ST6GAL1: variants seen among roughly 807,000 people sequenced by gnomAD.
ST6GAL1 encodes the protein beta-galactoside alpha-2,6-sialyltransferase 1.
Under a neutral mutation model 38.0 loss-of-function variants are expected in ST6GAL1, and 20 were observed. That is an observed-to-expected ratio of 0.53 (90% confidence interval 0.37 to 0.77). ST6GAL1 has a LOEUF of 0.77. Among genes scored for constraint, ST6GAL1 ranks in the 30% least tolerant of loss-of-function variants. The probability of loss-of-function intolerance (pLI) is 0.00; values close to 1 mark genes in which losing one functional copy is unlikely to be tolerated. For synonymous variants in ST6GAL1, 196 were observed against 188.2 expected (o/e 1.04, Z -0.34); for missense variants, 432 against 496.4 (o/e 0.87, Z 1.23).
At chr3:187,051,184 T>A in intron 4 of ST6GAL1, 65 bp from the exon 5 acceptor site, 1 of 1,290,284 alleles carries the variant, frequency 7.8e-7, no homozygotes, top group Non-Finnish European at 1.1e-6. Context: ...CCGCCTCTCG[T>A]CTTTCTCTTT....
chr3:186,939,045 G>A (rs1179774135), intron 1 of ST6GAL1, among the ~76,000 whole-genome samples: 2 of 145,694 alleles, frequency 1.4e-5, no homozygotes, highest in African/African-American at 5.1e-5. Flanking sequence ...AGTGAGGAGA[G>A]AGACAGAAAG....
chr3:187,076,062 C>A lies in ST6GAL1; in HGVS notation c.*259C>A. 1 of 465,724 alleles carries A rather than the reference C, an allele frequency of 2.1e-6. No individual in the cohort carries two copies. The highest frequency in any genetic ancestry group is 3.0e-5 in the South Asian group (1 of 33,554). 28.8% of individuals were successfully genotyped at this position (465,724 alleles called of 1,614,324 possible). On this transcript the variant is annotated 3_prime_UTR_variant, in exon 8 of 8. Coordinates refer to ENST00000169298, the MANE Select transcript of ST6GAL1 (RefSeq NM_173216.2). ...TCTAGCATTCTTTCCAGACAGCATC[C>A]TCCCCGCCTTCCACCTTGGTAGATG... is the stretch of plus-strand genomic sequence containing the variant.
At chr3:187,033,762 C>T (rs1717834049) in intron 2 of ST6GAL1, among the ~76,000 whole-genome samples, 1 of 152,002 alleles carries the variant, frequency 6.6e-6, no homozygotes, top group Non-Finnish European at 1.5e-5. Flanking sequence ...TTATTTTTGG[C>T]AGTGTTATTA....
intron 2 of ST6GAL1, among the ~76,000 whole-genome samples, chr3:187,022,454 T>C (rs1717359270): frequency 6.6e-6 from 1 of 152,118 alleles, no homozygotes; most frequent in Admixed American, 6.5e-5. Context: ...AGTCAAGTTA[T>C]TGTCTAGTGA....
At chr3:186,941,807 T>TA (rs1714186919) in intron 1 of ST6GAL1, among the ~76,000 whole-genome samples, 1 of 151,910 alleles carries the variant, frequency 6.6e-6, no homozygotes, top group African/African-American at 2.4e-5. Flanking sequence ...GGTCAGGAGA[T>TA]AGAGACCATC....
intron 5 of ST6GAL1, among the ~76,000 whole-genome samples, chr3:187,054,583 T>C (rs973896458): frequency 1.3e-5 from 2 of 152,234 alleles, no homozygotes; most frequent in Non-Finnish European, 1.5e-5. Context: ...TTGTTCTGTT[T>C]ATGTGATGGA....
At chr3:186,973,086 A>C (rs542325581) in intron 2 of ST6GAL1, among the ~76,000 whole-genome samples, 17 of 151,982 alleles carry the variant, frequency 1.1e-4, no homozygotes, top group Non-Finnish European at 2.5e-4. Flanking sequence ...TCCAGGCTGG[A>C]GTGCAATGGT....
chr3:186,934,605 G>A (rs1713875214), intron 1 of ST6GAL1, among the ~76,000 whole-genome samples: 1 of 152,044 alleles, frequency 6.6e-6, no homozygotes, highest in African/African-American at 2.4e-5. Flanking sequence ...AAAACCAGCA[G>A]GCTGCCTCTG....
intron 2 of ST6GAL1, among the ~76,000 whole-genome samples, chr3:186,985,048 A>G (rs1015893322): frequency 3.3e-5 from 5 of 151,882 alleles, no homozygotes; most frequent in Non-Finnish European, 7.4e-5. Flanking sequence ...AGCTGGGATT[A>G]CAGGTGCCCA....
intron 2 of ST6GAL1, among the ~76,000 whole-genome samples, chr3:187,019,752 G>C (rs1452053116): frequency 2.0e-5 from 3 of 152,198 alleles, no homozygotes; most frequent in Non-Finnish European, 4.4e-5. Flanking sequence ...CACCCTCTGG[G>C]GGCAACAGGG....
At chr3:186,984,796 CT>C (rs1293806328) in intron 2 of ST6GAL1, among the ~76,000 whole-genome samples, 24 of 35,032 alleles carry the variant, frequency 6.9e-4, no homozygotes, top group African/African-American at 2.3e-3. Context: ...CCCTTCCTTC[CT>C]TCCTTCCATC....
chr3:186,959,465 A>G (rs2108525114), intron 1 of ST6GAL1, among the ~76,000 whole-genome samples: 1 of 152,340 alleles, frequency 6.6e-6, no homozygotes, highest in Middle Eastern at 3.4e-3. Flanking sequence ...TTGTGTGAAG[A>G]ATAAATGAAT....
chr3:187,051,150 A>C, intron 4 of ST6GAL1, 99 bp from the exon 5 acceptor site: 2 of 980,574 alleles, frequency 2.0e-6, no homozygotes, highest in Middle Eastern at 2.2e-4. Context: ...AAGATGGGGA[A>C]GCATTATTCC....
intron 1 of ST6GAL1, among the ~76,000 whole-genome samples, chr3:186,961,889 C>A (rs1307585850): frequency 6.6e-6 from 1 of 152,142 alleles, no homozygotes; most frequent in African/African-American, 2.4e-5. Flanking sequence ...TCTACCTCCA[C>A]CCCAGGAGCA....
chr3:187,030,643 AG>A (rs1447602877), intron 2 of ST6GAL1, among the ~76,000 whole-genome samples: 1 of 152,118 alleles, frequency 6.6e-6, no homozygotes, highest in African/African-American at 2.4e-5. Context: ...CGTGTTGGCT[AG>A]GCTGGTCTCG....
chr3:186,931,725 T>G (rs1399710370), intron 1 of ST6GAL1, among the ~76,000 whole-genome samples: 1 of 152,238 alleles, frequency 6.6e-6, no homozygotes, highest in Non-Finnish European at 1.5e-5. Flanking sequence ...GCTCTTTGCC[T>G]CTGAGGCCCG....
chr3:186,972,670 T>G (rs1715391055), intron 2 of ST6GAL1, among the ~76,000 whole-genome samples: 1 of 151,912 alleles, frequency 6.6e-6, no homozygotes, highest in Non-Finnish European at 1.5e-5. Flanking sequence ...AGCATGCACA[T>G]AGTAGGTGTT....
chr3:186,984,833 C>A (rs1263514744), intron 2 of ST6GAL1, among the ~76,000 whole-genome samples: 1 of 60,786 alleles, frequency 1.6e-5, no homozygotes, highest in Non-Finnish European at 3.2e-5. Context: ...CCTTCCCTCC[C>A]TCCCTCCCTC....
chr3:187,066,281 CA>C (rs1719122074), intron 5 of ST6GAL1, among the ~76,000 whole-genome samples: 1 of 152,142 alleles, frequency 6.6e-6, no homozygotes, highest in Non-Finnish European at 1.5e-5. Flanking sequence ...TTCTCCGAAT[CA>C]GAGAAAGGAT....
Sources: gnomAD v4.1 joint callset for allele counts (sites outside exome capture counted in the v4.1 genomes callset) on GRCh38, gnomAD v4.1.1 for gene constraint, MANE v1.5 for transcripts, NCBI Gene and HGNC (gene_info 2026-07-23, HGNC 2026-07-21) for gene names.